ATXN7: variants seen among roughly 807,000 people sequenced by gnomAD.
The protein encoded by ATXN7 is ataxin-7.
ATXN7 carries 12 observed loss-of-function variants against 70.5 expected under a neutral mutation model. That is an observed-to-expected ratio of 0.17 (90% CI 0.11 to 0.28). The LOEUF is 0.28. Ranked by LOEUF, ATXN7 falls within the 10% of genes least tolerant of loss-of-function variation. ATXN7 has a pLI of 1.00. For missense variants in ATXN7, 1,256 were observed against 1,131.7 expected (o/e 1.11, Z -1.58); for synonymous variants, 498 against 448.7 (o/e 1.11, Z -1.39).
intron 5 of ATXN7, among the ~76,000 whole-genome samples, chr3:63,971,339 C>T (rs1021919404): frequency 3.3e-5 from 5 of 152,162 alleles, no homozygotes; most frequent in Admixed American, 1.3e-4. Context: ...ACAGTCCCAC[C>T]GACTTGCTTC....
chr3:63,976,458 C>A (rs766917976), intron 5 of ATXN7, among the ~76,000 whole-genome samples: 4 of 152,184 alleles, frequency 2.6e-5, no homozygotes, highest in Non-Finnish European at 4.4e-5. Context: ...ATGAAAAATT[C>A]ACATGATAGA....
At chr3:63,932,787 C>G (rs1414249860) in intron 4 of ATXN7, among the ~76,000 whole-genome samples, 1 of 152,160 alleles carries the variant, frequency 6.6e-6, no homozygotes, top group Non-Finnish European at 1.5e-5. Flanking sequence ...GGCAGTAGTT[C>G]TTCCAGGCAG....
chr3:63,887,144 C>T lies in ATXN7; in HGVS notation c.-110-11255C>T, dbSNP rs185891726. ...TGTCTCTTTAGATTCAGAGTCATGACGAACTGGTATTGAGCCCGTTAGGTG... is the reference window on the plus strand; with the variant it reads ...TGTCTCTTTAGATTCAGAGTCATGATGAACTGGTATTGAGCCCGTTAGGTG... On this transcript the variant is annotated intron_variant, in intron 1 of 12. Coordinates refer to ENST00000674280, the MANE Select transcript of ATXN7 (RefSeq NM_001377405.1). 2.8e-4 allele frequency among the ~76,000 whole-genome samples: 43 copies of T among 152,200 alleles called. No individual in the cohort carries two copies. In the East Asian group the frequency reaches 3.7e-3, roughly 13 times the overall value.
intron 4 of ATXN7, among the ~76,000 whole-genome samples, chr3:63,914,464 A>G (rs1704181953): frequency 6.6e-6 from 1 of 152,218 alleles, no homozygotes; most frequent in African/African-American, 2.4e-5. Flanking sequence ...GGGAAAGCAC[A>G]GGACTTGTTG....
At chr3:63,918,889 A>G (rs1704394026) in intron 4 of ATXN7, among the ~76,000 whole-genome samples, 1 of 152,224 alleles carries the variant, frequency 6.6e-6, no homozygotes, top group South Asian at 2.1e-4. Context: ...ATTTGGTTAC[A>G]GATCGCCCAC....
At chr3:63,911,958 C>T (rs1006068621) in intron 2 of ATXN7, 1 of 152,514 alleles carries the variant, frequency 6.6e-6, no homozygotes, top group East Asian at 1.9e-4. Flanking sequence ...CCGGCTCCTC[C>T]ATAGGTGGCT....
At chr3:63,896,839 C>A (rs967717709) in intron 1 of ATXN7, among the ~76,000 whole-genome samples, 5 of 152,138 alleles carry the variant, frequency 3.3e-5, no homozygotes, top group Non-Finnish European at 5.9e-5. Context: ...CCAAAACTAT[C>A]CTGAAGGAGA....
chr3:63,884,998 TC>T (rs1287169905), intron 1 of ATXN7, among the ~76,000 whole-genome samples: 2 of 152,112 alleles, frequency 1.3e-5, no homozygotes, highest in Non-Finnish European at 2.9e-5. Context: ...CCTAGTGACT[TC>T]CTTCCAAAGA....
chr3:63,998,188 A>C, intron 12 of ATXN7: 1 of 743,744 alleles, frequency 1.3e-6, no homozygotes, highest in East Asian at 2.4e-4. Flanking sequence ...CACAAGTAAC[A>C]AAAAGGACAG....
chr3:63,884,844 A>G (rs1349295625), intron 1 of ATXN7, among the ~76,000 whole-genome samples: 1 of 150,200 alleles, frequency 6.7e-6, no homozygotes, highest in African/African-American at 2.5e-5. Flanking sequence ...TTTTTTATAG[A>G]GATGGGATTT....
chr3:63,982,726 T>C (rs751380666), intron 7 of ATXN7, among the ~76,000 whole-genome samples: 1 of 151,980 alleles, frequency 6.6e-6, no homozygotes, highest in Non-Finnish European at 1.5e-5. Flanking sequence ...CAATATCTTT[T>C]CTACCATCTG....
intron 4 of ATXN7, among the ~76,000 whole-genome samples, chr3:63,946,101 T>G (rs1187763297): frequency 6.6e-6 from 1 of 152,188 alleles, no homozygotes; most frequent in Non-Finnish European, 1.5e-5. Context: ...ATAGGGAACT[T>G]CTCAGGTATT....
intron 1 of ATXN7, among the ~76,000 whole-genome samples, chr3:63,872,541 GGCTTAA>G (rs1361032534): frequency 6.6e-6 from 1 of 152,142 alleles, no homozygotes; most frequent in Non-Finnish European, 1.5e-5. Context: ...GGTTTCTGGA[GGCTTAA>G]GCTTAAGAGT....
intron 5 of ATXN7, among the ~76,000 whole-genome samples, chr3:63,964,046 C>T (rs1334693372): frequency 6.7e-6 from 1 of 149,614 alleles, no homozygotes; most frequent in Non-Finnish European, 1.5e-5. Context: ...TTTTCTAAAG[C>T]CTCTTACAAT....
At chr3:63,947,975 A>G (rs1315407499) in intron 4 of ATXN7, among the ~76,000 whole-genome samples, 1 of 152,202 alleles carries the variant, frequency 6.6e-6, no homozygotes. Context: ...CTTGGGAGCC[A>G]GGGTAAGGGC....
At chr3:63,904,032 G>A (rs900766211) in intron 2 of ATXN7, 3 of 151,976 alleles carry the variant, frequency 2.0e-5, no homozygotes, top group African/African-American at 7.3e-5. Context: ...CTTCTATCTA[G>A]GTCAAAAACA....
At chr3:63,945,755 G>A (rs1216399313) in intron 4 of ATXN7, among the ~76,000 whole-genome samples, 4 of 152,184 alleles carry the variant, frequency 2.6e-5, no homozygotes, top group Admixed American at 1.3e-4. Flanking sequence ...TTTACAAATG[G>A]GAGATAGTGC....
At chr3:63,875,817 G>C (rs901508218) in intron 1 of ATXN7, among the ~76,000 whole-genome samples, 2 of 151,976 alleles carry the variant, frequency 1.3e-5, no homozygotes, top group South Asian at 2.1e-4. Flanking sequence ...TTAATAGCAG[G>C]GTTGTATGTT....
chr3:63,993,636 T>C (rs1576002327), intron 11 of ATXN7, among the ~76,000 whole-genome samples: 1 of 152,206 alleles, frequency 6.6e-6, no homozygotes, highest in Admixed American at 6.5e-5. Context: ...TGCCTCTTTA[T>C]ACACAAAAGA....
Sources: allele counts gnomAD v4.1 joint callset (sites outside exome capture counted in the v4.1 genomes callset), GRCh38; gene constraint gnomAD v4.1.1; transcripts MANE v1.5; gene names NCBI Gene and HGNC (gene_info 2026-07-23, HGNC 2026-07-21).